The following CDH12 variants were observed in gnomAD, a reference collection of about 807,000 sequenced individuals.
CDH12 encodes cadherin-12.
In CDH12, 41 loss-of-function variants were observed where a neutral mutation model predicts 74.1. That is an observed-to-expected ratio of 0.55 (90% CI 0.43 to 0.72). The LOEUF (loss-of-function observed/expected upper bound fraction) is 0.72. CDH12 is among the 30% of genes least tolerant of loss of function. CDH12 has a pLI of 0.00. For missense variants in CDH12, 945 were observed against 977.2 expected (o/e 0.97, Z 0.44); for synonymous variants, 399 against 355.0 (o/e 1.12, Z -1.39).
intron 4 of CDH12, among the ~76,000 whole-genome samples, chr5:22,087,663 G>A (rs1031936720): frequency 4.0e-5 from 6 of 151,844 alleles, no homozygotes; most frequent in Non-Finnish European, 5.9e-5. Context: ...AAAAGAATGG[G>A]AAAAAAATAA....
chr5:22,539,578 G>A (rs1738007461), intron 1 of CDH12, among the ~76,000 whole-genome samples: 1 of 152,158 alleles, frequency 6.6e-6, no homozygotes, highest in Non-Finnish European at 1.5e-5. Context: ...TCGAGATGAT[G>A]TATTATATGA....
intron 4 of CDH12, among the ~76,000 whole-genome samples, chr5:22,171,535 A>G (rs1433396309): frequency 4.6e-5 from 7 of 151,942 alleles, no homozygotes; most frequent in Non-Finnish European, 1.0e-4. Context: ...ATGGTTTGTT[A>G]GTTGCTCATT....
chr5:21,894,884 T>TATTTATAATAACTGC, intron 6 of CDH12, among the ~76,000 whole-genome samples: 1 of 152,294 alleles, frequency 6.6e-6, no homozygotes, highest in South Asian at 2.1e-4. Context: ...ATATCTCCCA[T>TATTTATAATAACTGC]ATTTATAATA....
At chr5:22,470,975 G>A (rs529212322) in intron 2 of CDH12, among the ~76,000 whole-genome samples, 1 of 151,844 alleles carries the variant, frequency 6.6e-6, no homozygotes, top group Non-Finnish European at 1.5e-5. Context: ...TTAATTTAAG[G>A]GCATGTCCAA....
chr5:22,704,921 A>G (rs913887446), intron 1 of CDH12, among the ~76,000 whole-genome samples: 2 of 151,992 alleles, frequency 1.3e-5, no homozygotes, highest in Admixed American at 6.6e-5. Context: ...TATAAAAAAC[A>G]TAATGTTAGA....
In CDH12 at chr5:21,991,101, T is replaced by C. The variant is rs1019667165; in HGVS notation, c.232-15716A>G. On this transcript the variant is annotated intron_variant, in intron 5 of 14. Transcript: ENST00000382254. ...ATTACCCTGAATGCATTAATAACAATAGTATCATTGAAAAATACTTTCGAC... is the reference window on the plus strand; with the variant it reads ...ATTACCCTGAATGCATTAATAACAACAGTATCATTGAAAAATACTTTCGAC... Among the ~76,000 whole-genome samples, 3 of 151,862 alleles carry C rather than the reference T, an allele frequency of 2.0e-5. No individual in the cohort carries two copies. In the East Asian group the frequency reaches 5.8e-4, roughly 29 times the overall value.
chr5:21,777,748 C>G (rs1309254465), intron 11 of CDH12, among the ~76,000 whole-genome samples: 1 of 152,150 alleles, frequency 6.6e-6, no homozygotes, highest in Non-Finnish European at 1.5e-5. Context: ...GCCTTGGCCT[C>G]CCAAAGTGCT....
intron 6 of CDH12, among the ~76,000 whole-genome samples, chr5:21,952,509 A>G (rs933656089): frequency 1.3e-5 from 2 of 152,222 alleles, no homozygotes; most frequent in African/African-American, 2.4e-5. Context: ...AGCCACTGAC[A>G]TAACTTTCGC....
At chr5:21,775,220 A>T (rs151336238) in intron 11 of CDH12, among the ~76,000 whole-genome samples, 77 of 152,298 alleles carry the variant, frequency 5.1e-4, no homozygotes, top group Middle Eastern at 3.4e-3. Flanking sequence ...CTGCCCAAAC[A>T]CCACAAAGAA....
intron 3 of CDH12, among the ~76,000 whole-genome samples, chr5:22,348,235 G>C (rs553125611): frequency 6.6e-6 from 1 of 152,304 alleles, no homozygotes; most frequent in East Asian, 1.9e-4. Flanking sequence ...AACCGTTAGA[G>C]CTTTCTTTAA....
intron 5 of CDH12, among the ~76,000 whole-genome samples, chr5:21,992,418 G>T (rs1026644206): frequency 1.3e-5 from 2 of 152,024 alleles, no homozygotes; most frequent in Non-Finnish European, 2.9e-5. Context: ...ATGAAAGCAG[G>T]TGCTTAAGTA....
At chr5:22,300,794 GTGT>G (rs1737847048) in intron 3 of CDH12, among the ~76,000 whole-genome samples, 1 of 152,158 alleles carries the variant, frequency 6.6e-6, no homozygotes, top group African/African-American at 2.4e-5. Context: ...AATAGGTTTG[GTGT>G]TGTTCTGATG....
At chr5:22,283,217 GAT>G (rs1309819565) in intron 3 of CDH12, among the ~76,000 whole-genome samples, 35 of 78,100 alleles carry the variant, frequency 4.5e-4, no homozygotes, top group African/African-American at 6.6e-4. Flanking sequence ...TATATATATA[GAT>G]ATATATATAT....
At chr5:22,535,761 T>A (rs1218515219) in intron 1 of CDH12, among the ~76,000 whole-genome samples, 1 of 152,212 alleles carries the variant, frequency 6.6e-6, no homozygotes, top group Non-Finnish European at 1.5e-5. Flanking sequence ...CCTTCCTTAC[T>A]AAATCCTCAA....
At chr5:22,503,931 A>G (rs1037121486) in intron 2 of CDH12, among the ~76,000 whole-genome samples, 1 of 152,034 alleles carries the variant, frequency 6.6e-6, no homozygotes, top group African/African-American at 2.4e-5. Flanking sequence ...ATAATCATGG[A>G]TATTTAAGAA....
At chr5:22,051,186 C>T (rs1306642261) in intron 5 of CDH12, among the ~76,000 whole-genome samples, 1 of 151,954 alleles carries the variant, frequency 6.6e-6, no homozygotes, top group Non-Finnish European at 1.5e-5. Flanking sequence ...ATGGACCCAC[C>T]GGGAGATGGA....
chr5:22,770,305 G>A (rs542342618), intron 1 of CDH12, among the ~76,000 whole-genome samples: 1 of 152,240 alleles, frequency 6.6e-6, no homozygotes, highest in South Asian at 2.1e-4. Context: ...TTGGCATACA[G>A]GGGAAGAAAA....
At chr5:21,904,211 G>A (rs531092919) in intron 6 of CDH12, among the ~76,000 whole-genome samples, 1 of 152,164 alleles carries the variant, frequency 6.6e-6, no homozygotes, top group African/African-American at 2.4e-5. Context: ...CTTTTTCATT[G>A]TATAACACAG....
chr5:22,481,536 A>T (rs1071936), intron 2 of CDH12, among the ~76,000 whole-genome samples: 143,164 of 152,236 alleles, frequency 0.94, 67,411 homozygotes, highest in Admixed American at 0.97. Flanking sequence ...AAATAAGGAA[A>T]GCCTGCCATT....
Sources: allele counts gnomAD v4.1 joint callset (sites outside exome capture counted in the v4.1 genomes callset), GRCh38; gene constraint gnomAD v4.1.1; transcripts MANE v1.5; gene names NCBI Gene and HGNC (gene_info 2026-07-23, HGNC 2026-07-21).